Variants in TNRC18 observed in about 807,000 individuals in gnomAD.
TNRC18 encodes the protein trinucleotide repeat containing 18.
TNRC18 carries 69 observed loss-of-function variants against 226.7 expected under a neutral mutation model. The observed-to-expected ratio is 0.30, with a 90% CI of 0.25 to 0.37. The LOEUF (loss-of-function observed/expected upper bound fraction) is 0.37. TNRC18 is among the 10% of genes least tolerant of loss of function. The probability of loss-of-function intolerance (pLI) is 1.00; values close to 1 mark genes in which losing one functional copy is unlikely to be tolerated. For synonymous variants in TNRC18, 2,449 were observed against 1,927.6 expected, an observed-to-expected ratio of 1.27 and a Z score of -7.09; for missense variants, 4,754 against 4,256.6, an observed-to-expected ratio of 1.12 and a Z score of -3.25.
intron 14 of TNRC18, among the ~76,000 whole-genome samples, chr7:5,360,094 C>T (rs1277734684): frequency 6.6e-6 from 1 of 152,174 alleles, no homozygotes. Context: ...TAAGCTGAAA[C>T]TTCACAGGTG....
chr7:5,312,674 G>C lies in TNRC18; in HGVS notation c.8217C>G (p.Pro2739=). The C allele has an allele frequency of 6.2e-7, 1 of 1,604,084 alleles. No homozygotes were observed. Among genetic ancestry groups the C allele is most frequent in the Non-Finnish European group, 8.5e-7 (1 of 1,176,102 alleles). The change falls in exon 27 of 30, where the codon CCC becomes CCG. Residue 2739 remains proline (P), a synonymous_variant. Coordinates refer to ENST00000430969, the MANE Select transcript of TNRC18 (RefSeq NM_001080495.3). The surrounding 1 kb of genome is among the most constrained non-coding windows in gnomAD (Gnocchi z 6.3). Reference sequence around the variant, plus strand: ...GGCTCTTGGCCCCGGCCTGAGCCTTGGGCTGCAGAGGCTGTGTGGGCTGCG... The same window carrying C: ...GGCTCTTGGCCCCGGCCTGAGCCTTCGGCTGCAGAGGCTGTGTGGGCTGCG... ...PPPQPTQPLQ[P]KAQAGAKSRP...
At position 5,356,993 on chromosome 7, in the gene TNRC18, T is replaced by A; in HGVS notation, c.5117A>T (p.Glu1706Val). Residue 1706 changes from glutamate to valine, a missense_variant, in exon 16 of 30, where the codon GAG becomes GTG. By Grantham distance (121) the Glu-to-Val change is moderately radical. Transcript: ENST00000430969. ...CTGGCCTCTGGCCTTGAACCCCACC[T>A]CCATCTTCCTGGTTTTGGCTGCCCT... ...HKRAAKTRKMEVGFKARGQPK... is the reference protein window; with the variant it reads ...HKRAAKTRKMVVGFKARGQPK... 1.3e-6 allele frequency: 2 copies of A among 1,552,286 alleles called. No homozygotes were observed. Among genetic ancestry groups the A allele is most frequent in the Non-Finnish European group, 1.7e-6 (2 of 1,147,120 alleles).
chr7:5,402,985 A>G (rs945278414), intron 2 of TNRC18, among the ~76,000 whole-genome samples: 4 of 151,998 alleles, frequency 2.6e-5, no homozygotes, highest in South Asian at 2.1e-4. Flanking sequence ...ACTCCTGTCA[A>G]CGGGGAGAGG....
chr7:5,380,884 C>T (rs977723412), intron 5 of TNRC18, among the ~76,000 whole-genome samples: 8 of 152,220 alleles, frequency 5.3e-5, no homozygotes, highest in Admixed American at 2.0e-4. Flanking sequence ...ATCCCAGAGG[C>T]TCAGCCACCT....
At chr7:5,311,409 G>T (rs1172578688) in intron 27 of TNRC18, among the ~76,000 whole-genome samples, 1 of 152,246 alleles carries the variant, frequency 6.6e-6, no homozygotes, top group African/African-American at 2.4e-5. Flanking sequence ...ATCCTGGCCA[G>T]GCCAAGGAGC....
At chr7:5,339,901 A>G (rs1252649959) in intron 18 of TNRC18, among the ~76,000 whole-genome samples, 1 of 151,994 alleles carries the variant, frequency 6.6e-6, no homozygotes, top group African/African-American at 2.4e-5. Flanking sequence ...GAAGAAAAAA[A>G]AAAAAAGTGT....
intron 20 of TNRC18, 64 bp downstream of exon 20, chr7:5,325,032 G>A (rs1357673710): frequency 6.5e-6 from 10 of 1,528,946 alleles, no homozygotes; most frequent in Admixed American, 6.3e-5. Context: ...GGAGCCCCCT[G>A]CCCTGACCAC....
rs139749327 is a variant in TNRC18, at chr7:5,414,898, T to C, written c.187+6162A>G. 5.9e-5 allele frequency among the ~76,000 whole-genome samples: 9 copies of C among 152,364 alleles called. No homozygotes were observed. The East Asian group carries it at 9.6e-4, about 16-fold the overall frequency. On this transcript the variant is annotated intron_variant, in intron 2 of 29. Transcript: ENST00000430969. The stretch of plus-strand genomic sequence containing the variant: ...TTTCTTCCCTGATCCCAAGATCCAA[T>C]AGAGAGCCATACATTGCCTTTAGCA...
rs758130042 is a variant in TNRC18 at position 5,320,516 on chromosome 7, G to T, written c.6636+16C>A. ...CCCACCCCGAGCCTCCCGAGGCCCCGCCCCTCCCCCCTCACCGCCTCCTGC... is the reference window on the plus strand; with the variant it reads ...CCCACCCCGAGCCTCCCGAGGCCCCTCCCCTCCCCCCTCACCGCCTCCTGC... On this transcript the variant is annotated intron_variant, in intron 23 of 29. Coordinates refer to ENST00000430969, the MANE Select transcript of TNRC18 (RefSeq NM_001080495.3). The T allele has an allele frequency of 1.5e-5, 15 of 1,027,588 alleles. No homozygotes were observed. Among genetic ancestry groups the T allele is most frequent in the East Asian group, 4.9e-5 (2 of 41,028 alleles). 63.7% of individuals were successfully genotyped at this position (1,027,588 alleles called of 1,614,324 possible). A position where few individuals can be genotyped will look rare whatever the true frequency, so the allele number is the denominator to read the frequency against.
intron 2 of TNRC18, chr7:5,419,692 G>A (rs1250130328): frequency 6.6e-6 from 1 of 152,020 alleles, no homozygotes; most frequent in Non-Finnish European, 1.5e-5. Context: ...GCCAAGACCT[G>A]GTTCTTGCGC....
chr7:5,373,195 G>A (rs967636293), intron 10 of TNRC18, among the ~76,000 whole-genome samples: 2 of 152,064 alleles, frequency 1.3e-5, no homozygotes, highest in Non-Finnish European at 2.9e-5. Flanking sequence ...CCAGTGATGC[G>A]TGCCTATGGT....
intron 18 of TNRC18, among the ~76,000 whole-genome samples, chr7:5,335,899 A>C (rs1790054386): frequency 6.6e-6 from 1 of 151,810 alleles, no homozygotes; most frequent in African/African-American, 2.4e-5. Flanking sequence ...ACAATGTCCA[A>C]GATACAGTCC....
chr7:5,337,916 G>A (rs1790285902), intron 18 of TNRC18, among the ~76,000 whole-genome samples: 1 of 152,018 alleles, frequency 6.6e-6, no homozygotes, highest in Non-Finnish European at 1.5e-5. Context: ...CCTGGAGACG[G>A]AGATTGCAGT....
chr7:5,338,568 G>C (rs118015136), intron 18 of TNRC18, among the ~76,000 whole-genome samples: 3,946 of 146,852 alleles, frequency 0.027, 112 homozygotes, highest in East Asian at 0.11. Context: ...AGAGGTTGCA[G>C]TGAGCTTAGA....
intron 2 of TNRC18, among the ~76,000 whole-genome samples, chr7:5,402,856 A>G (rs1008561263): frequency 2.9e-5 from 4 of 139,034 alleles, no homozygotes; most frequent in African/African-American, 1.3e-4. Flanking sequence ...TCTGTCTCAA[A>G]AAAAAAAATA....
intron 14 of TNRC18, among the ~76,000 whole-genome samples, chr7:5,360,080 GCTTT>G (rs1482309547): frequency 2.4e-4 from 37 of 152,218 alleles, no homozygotes; most frequent in Non-Finnish European, 4.6e-4. Flanking sequence ...CCACTTGCTT[GCTTT>G]AAGCTGAAAC....
rs1786914087 is a variant in TNRC18, at chr7:5,309,021, G to C, written c.8626-72C>G. ...GCACCCGACCCCAGGCCCCAGGACA[G>C]GGCTGACCCACTGGGCAGGGCTGCT... On this transcript the variant is annotated intron_variant, in intron 28 of 29. Transcript: ENST00000430969. The surrounding 1 kb of genome is among the most constrained non-coding windows in gnomAD (Gnocchi z 5.7). 1.3e-6 allele frequency: 2 copies of C among 1,532,172 alleles called. No individual in the cohort carries two copies. The highest frequency in any genetic ancestry group is 1.4e-5 in the African/African-American group (1 of 73,076). 94.9% of individuals were successfully genotyped at this position (1,532,172 alleles called of 1,614,324 possible). A position where few individuals can be genotyped will look rare whatever the true frequency, so the allele number is the denominator to read the frequency against.
chr7:5,387,629 G>A (rs758961504), intron 5 of TNRC18, 43 bp downstream of exon 5: 2 of 1,596,368 alleles, frequency 1.3e-6, no homozygotes, highest in Non-Finnish European at 8.5e-7. Flanking sequence ...ACGGCAGAGA[G>A]ACCCAAGATC....
At position 5,388,847 on chromosome 7, in the gene TNRC18, G is replaced by A; in HGVS notation, c.977C>T (p.Pro326Leu). ...CGGTGAGGGGCAGGGGCGCGGCCCA[G>A]GGAGCAGGGTCTCCGTGCGCCGCAG... The part of the protein sequence containing the change: ...RLLRRTETLL[P>L]GPRPCPSPLP... The change falls in exon 5 of 30, where the codon CCT becomes CTT. Residue 326 changes from proline to leucine, a missense_variant. Transcript: ENST00000430969. 3.2e-6 allele frequency: 4 copies of A among 1,242,120 alleles called. No homozygotes were observed. The highest frequency in any genetic ancestry group is 4.0e-6 in the Non-Finnish European group (4 of 989,206). 76.9% of individuals were successfully genotyped at this position (1,242,120 alleles called of 1,614,324 possible). A position where few individuals can be genotyped will look rare whatever the true frequency, so the allele number is the denominator to read the frequency against.
Sources: allele counts gnomAD v4.1 joint callset (sites outside exome capture counted in the v4.1 genomes callset), GRCh38; gene constraint gnomAD v4.1.1; non-coding constraint Gnocchi (gnomAD v3.1); transcripts MANE v1.5; gene names NCBI Gene and HGNC (gene_info 2026-07-23, HGNC 2026-07-21).